Variants in PER3 observed in about 807,000 individuals in gnomAD.
PER3 encodes period circadian protein homolog 3.
Under a neutral mutation model 127.2 loss-of-function variants are expected in PER3, and 107 were observed. The observed-to-expected ratio is 0.84, with a 90% CI of 0.72 to 0.99. PER3 has a LOEUF of 0.99. PER3 is among the 50% of genes least tolerant of loss of function. PER3 has a pLI of 0.00. For synonymous variants in PER3, 618 were observed against 585.8 expected (o/e 1.05, Z -0.79); for missense variants, 1,560 against 1,525.8 (o/e 1.02, Z -0.37).
intron 21 of PER3, among the ~76,000 whole-genome samples, chr1:7,840,369 C>A (rs1350688088): frequency 6.6e-6 from 1 of 151,490 alleles, no homozygotes; most frequent in African/African-American, 2.4e-5. Context: ...ACTCTGTCAC[C>A]CAGGCTGGAG....
rs1021299170 is a variant in PER3, at chr1:7,820,460, C to T, written c.1784-7C>T. On this transcript the variant is annotated splice_polypyrimidine_tract_variant and splice_region_variant and intron_variant, in intron 15 of 21. Transcript: ENST00000377532. The stretch of plus-strand genomic sequence containing the variant: ...CTTTTCACTGTCAGTTTCTCTTACA[C>T]CACCAGCTGGTTTGCAAATCCCAGC... 37 of 1,606,558 alleles carry T rather than the reference C, an allele frequency of 2.3e-5. No homozygotes were observed. Among genetic ancestry groups the T allele is most frequent in the Non-Finnish European group, 3.1e-5 (37 of 1,176,450 alleles).
rs991761364 is a variant in PER3, at chr1:7,826,042, C to T, written c.1958-438C>T. On this transcript the variant is annotated intron_variant, in intron 16 of 21. Coordinates refer to ENST00000377532, the MANE Select transcript of PER3 (RefSeq NM_001377275.1). This position sits in a 1 kb window ranked among gnomAD's most constrained non-coding sequence, Gnocchi z 4.2. ...CCATGACGGCGCCACTTCACTCCAG[C>T]GGAATGGTCTTCTGCAGGGGAAACA... Among the ~76,000 whole-genome samples, 4 of 152,126 alleles carry T rather than the reference C, an allele frequency of 2.6e-5. No individual in the cohort carries two copies. The highest frequency in any genetic ancestry group is 4.8e-5 in the African/African-American group (2 of 41,426).
rs1461484874 is a variant in PER3, at chr1:7,786,725, CAG to C, written c.280_281del (p.Ser94Ter). Reference sequence around the variant, plus strand: ...TTATCTCCCTGTGTTTCTTAGCAAACAGTGAGTTTTTCCAGATTCTCAGTCAG... The same window carrying C: ...TTATCTCCCTGTGTTTCTTAGCAAACTGAGTTTTTCCAGATTCTCAGTCAG... The part of the protein sequence containing the change: ...LRCVHSVQAN[S>X]EFFQILSQNG... On this transcript the variant is annotated frameshift_variant, in exon 4 of 22. Coordinates refer to ENST00000377532, the MANE Select transcript of PER3 (RefSeq NM_001377275.1). LOFTEE classifies it high-confidence loss of function. 6 of 1,564,474 alleles carry C rather than the reference CAG, an allele frequency of 3.8e-6. No homozygotes were observed. Among genetic ancestry groups the C allele is most frequent in the East Asian group, 4.5e-5 (2 of 44,646 alleles).
chr1:7,787,062 G>C (rs969844258), intron 4 of PER3: 18 of 435,330 alleles, frequency 4.1e-5, no homozygotes, highest in Middle Eastern at 5.9e-4. Context: ...AGTGACTTTG[G>C]TTATGAGGTG....
In PER3 at chr1:7,803,085, T is replaced by C. The variant is rs773598492; in HGVS notation, c.911T>C (p.Ile304Thr). ...PLLGYLPQDLIGTSILSYLHP... is the reference protein window; with the variant it reads ...PLLGYLPQDLTGTSILSYLHP... ...CTGGGTTACCTACCTCAGGACCTGA[T>C]TGGAACATCGATCCTAAGCTACCTG... Residue 304 changes from isoleucine (I) to threonine (T), a missense_variant, in exon 9 of 22, where the codon ATT becomes ACT. Ile to Thr is a moderately conservative substitution (Grantham distance 89, BLOSUM62 -1). Coordinates refer to ENST00000377532, the MANE Select transcript of PER3 (RefSeq NM_001377275.1). The C allele has an allele frequency of 1.9e-6, 3 of 1,613,582 alleles. No homozygotes were observed. Among genetic ancestry groups the C allele is most frequent in the African/African-American group, 1.3e-5 (1 of 75,010 alleles).
chr1:7,831,434 T>G (rs983728863), intron 19 of PER3, among the ~76,000 whole-genome samples: 1 of 152,208 alleles, frequency 6.6e-6, no homozygotes, highest in African/African-American at 2.4e-5. Context: ...CTGTATGTCT[T>G]TATTTATTTG....
At chr1:7,810,834 A>C (rs1577788349) in intron 13 of PER3, 2 of 311,974 alleles carry the variant, frequency 6.4e-6, no homozygotes, top group Non-Finnish European at 1.2e-5. Context: ...TTACTGAAGA[A>C]TTAACTTCTC....
chr1:7,792,021 T>C (rs191572290), intron 5 of PER3, among the ~76,000 whole-genome samples: 1 of 152,346 alleles, frequency 6.6e-6, no homozygotes, highest in East Asian at 1.9e-4. Flanking sequence ...AGTTCCAAAG[T>C]CACTTCCACA....
intron 2 of PER3, 44 bp from the exon 3 acceptor site, chr1:7,785,397 G>T: frequency 6.5e-7 from 1 of 1,532,138 alleles, no homozygotes; most frequent in Non-Finnish European, 9.0e-7. Flanking sequence ...GCAAGATGCT[G>T]TTGTCTTCAG....
At chr1:7,834,932 C>T (rs1033911045) in intron 19 of PER3, among the ~76,000 whole-genome samples, 1 of 152,146 alleles carries the variant, frequency 6.6e-6, no homozygotes, top group Non-Finnish European at 1.5e-5. Flanking sequence ...CATAAGGCTT[C>T]ATATCAGCCA....
chr1:7,843,276 C>T lies in PER3; in HGVS notation c.*521C>T, dbSNP rs2097399501. ...AAGATGAAACATTCCGGTTTTCTCACAACACATTAGCACATACTGTCCATT... is the reference window on the plus strand; with the variant it reads ...AAGATGAAACATTCCGGTTTTCTCATAACACATTAGCACATACTGTCCATT... On this transcript the variant is annotated 3_prime_UTR_variant, in exon 22 of 22. Coordinates refer to ENST00000377532, the MANE Select transcript of PER3 (RefSeq NM_001377275.1). 1 of 153,054 alleles carries T rather than the reference C, an allele frequency of 6.5e-6. No homozygotes were observed. The highest frequency in any genetic ancestry group is 6.5e-5 in the Admixed American group (1 of 15,302). 9.5% of individuals were successfully genotyped at this position (153,054 alleles called of 1,614,324 possible).
In PER3 at chr1:7,843,775, C is replaced by T; in HGVS notation, c.*1020C>T. The T allele has an allele frequency of 2.7e-6, 1 of 376,812 alleles. No individual in the cohort carries two copies. The highest frequency in any genetic ancestry group is 4.8e-5 in the South Asian group (1 of 20,982). The allele number at this position is 376,812 out of a possible 1,614,324, so 23.3% of individuals were successfully genotyped here. A position where few individuals can be genotyped will look rare whatever the true frequency, so the allele number is the denominator to read the frequency against. ...AAACGTCCAGGCGAGCCCAGTTGTC[C>T]TCGCCCACAGGGTCCTGCAGGCTCC... On this transcript the variant is annotated 3_prime_UTR_variant, in exon 22 of 22. Coordinates refer to ENST00000377532, the MANE Select transcript of PER3 (RefSeq NM_001377275.1).
intron 21 of PER3, among the ~76,000 whole-genome samples, chr1:7,838,647 G>A (rs529606697): frequency 6.6e-6 from 1 of 152,128 alleles, no homozygotes; most frequent in African/African-American, 2.4e-5. Context: ...TAATCTGCCC[G>A]CCTCAGCCTC....
At chr1:7,786,897 G>GA in intron 4 of PER3, 61 bp downstream of exon 4, 1 of 903,312 alleles carries the variant, frequency 1.1e-6, no homozygotes, top group Non-Finnish European at 1.9e-6. Flanking sequence ...GCCTGCTCTA[G>GA]ATGTAGGCTT....
At chr1:7,821,205 G>C (rs184161685) in intron 16 of PER3, among the ~76,000 whole-genome samples, 12 of 152,302 alleles carry the variant, frequency 7.9e-5, no homozygotes, top group Admixed American at 3.9e-4. Flanking sequence ...ATAACAATTT[G>C]GGTAGATGAA....
chr1:7,837,323 T>C (rs1224645828), intron 21 of PER3, among the ~76,000 whole-genome samples, 174 bp downstream of exon 21: 1 of 152,224 alleles, frequency 6.6e-6, no homozygotes, highest in Non-Finnish European at 1.5e-5. Flanking sequence ...GTTATACACA[T>C]GTGAAATAAT....
chr1:7,823,663 C>T (rs1577880676), intron 16 of PER3, among the ~76,000 whole-genome samples: 1 of 151,634 alleles, frequency 6.6e-6, no homozygotes, highest in Admixed American at 6.6e-5. Context: ...AAAAAAAAAG[C>T]TATGAAGCAA....
chr1:7,804,398 C>CTTTT (rs568675301), intron 10 of PER3, among the ~76,000 whole-genome samples: 2 of 124,516 alleles, frequency 1.6e-5, no homozygotes, highest in Non-Finnish European at 3.4e-5. Flanking sequence ...TTGTTTGTGT[C>CTTTT]TTTTTTTTTT....
At chr1:7,791,444 A>G (rs1033150318) in intron 5 of PER3, among the ~76,000 whole-genome samples, 3 of 152,246 alleles carry the variant, frequency 2.0e-5, no homozygotes, top group African/African-American at 7.2e-5. Flanking sequence ...TGCACAGAGC[A>G]GTGGGGGCCT....
Sources: allele counts gnomAD v4.1 joint callset (sites outside exome capture counted in the v4.1 genomes callset), GRCh38; gene constraint gnomAD v4.1.1; non-coding constraint Gnocchi (gnomAD v3.1); transcripts MANE v1.5; gene names NCBI Gene and HGNC (gene_info 2026-07-23, HGNC 2026-07-21).